The following SLAIN1 variants were observed in gnomAD, a reference collection of about 807,000 sequenced individuals.
SLAIN1 encodes SLAIN motif-containing protein 1.
Under a neutral mutation model 55.4 loss-of-function variants are expected in SLAIN1, and 17 were observed. The observed-to-expected ratio is 0.31, with a 90% CI of 0.21 to 0.46. SLAIN1 has a LOEUF of 0.46. Ranked by LOEUF, SLAIN1 falls within the 20% of genes least tolerant of loss-of-function variation. The pLI is 1.00. For missense variants in SLAIN1, 682 were observed against 785.1 expected, an observed-to-expected ratio of 0.87 and a Z score of 1.57; for synonymous variants, 348 against 337.4, an observed-to-expected ratio of 1.03 and a Z score of -0.35.
intron 2 of SLAIN1, among the ~76,000 whole-genome samples, chr13:77,739,426 G>A (rs906856288): frequency 1.3e-5 from 2 of 152,074 alleles, no homozygotes; most frequent in African/African-American, 4.8e-5. Context: ...TGAAATGACT[G>A]TAGTGAGAAG....
chr13:77,747,449 T>C (rs985121288), intron 4 of SLAIN1, among the ~76,000 whole-genome samples: 1 of 152,176 alleles, frequency 6.6e-6, no homozygotes, highest in Non-Finnish European at 1.5e-5. Flanking sequence ...TCTGCATTGT[T>C]GCTGGTGCCT....
chr13:77,698,387 C>G lies in SLAIN1; in HGVS notation c.474C>G (p.Gly158=). The G allele has an allele frequency of 7.0e-7, 1 of 1,419,242 alleles. No individual in the cohort carries two copies. Among genetic ancestry groups the G allele is most frequent in the Non-Finnish European group, 9.2e-7 (1 of 1,087,056 alleles). The allele number at this position is 1,419,242 out of a possible 1,614,324, so 87.9% of individuals were successfully genotyped here. A position where few individuals can be genotyped will look rare whatever the true frequency, so the allele number is the denominator to read the frequency against. ...VYFKPAAGFF[G]AGGGGPEPGG... ...TCAAGCCGGCAGCAGGCTTCTTCGG[C>G]GCGGGCGGTGGCGGGCCGGAGCCGG... The change falls in exon 1 of 7, where the codon GGC becomes GGG. Residue 158 remains glycine (G), a synonymous_variant. Coordinates refer to ENST00000418532, the MANE Select transcript of SLAIN1 (RefSeq NM_001242868.2). The surrounding 1 kb of genome is among the most constrained non-coding windows in gnomAD (Gnocchi z 4.1).
intron 1 of SLAIN1, among the ~76,000 whole-genome samples, chr13:77,713,971 A>G (rs1594257865): frequency 1.3e-5 from 2 of 151,508 alleles, no homozygotes; most frequent in African/African-American, 4.8e-5. Context: ...GAGTTGAACA[A>G]TGAGAACACA....
At chr13:77,736,076 A>G (rs1282252792) in intron 2 of SLAIN1, among the ~76,000 whole-genome samples, 1 of 152,066 alleles carries the variant, frequency 6.6e-6, no homozygotes, top group Non-Finnish European at 1.5e-5. Flanking sequence ...TTTCAATCTC[A>G]GCTCTTGTGT....
At chr13:77,712,403 A>G (rs1401721726) in intron 1 of SLAIN1, among the ~76,000 whole-genome samples, 1 of 152,210 alleles carries the variant, frequency 6.6e-6, no homozygotes, top group African/African-American at 2.4e-5. Context: ...GCAAAAAATC[A>G]CAAGTATTTC....
At chr13:77,714,021 G>A (rs779259490) in intron 1 of SLAIN1, among the ~76,000 whole-genome samples, 3 of 151,812 alleles carry the variant, frequency 2.0e-5, no homozygotes, top group South Asian at 2.1e-4. Flanking sequence ...AGGGCCTGTC[G>A]AGGGGTGGGG....
At chr13:77,741,287 A>G (rs780955762) in intron 2 of SLAIN1, 10 of 987,296 alleles carry the variant, frequency 1.0e-5, no homozygotes, top group Non-Finnish European at 9.6e-6. Flanking sequence ...AATAATAGAG[A>G]TTGAACATGT....
chr13:77,742,434 A>G (rs1873511630), intron 2 of SLAIN1, among the ~76,000 whole-genome samples: 1 of 151,994 alleles, frequency 6.6e-6, no homozygotes, highest in South Asian at 2.1e-4. Context: ...TACTCTGTAC[A>G]CTGTTTTTCC....
rs2154409049 is a variant in SLAIN1, at chr13:77,698,456, G to A, written c.543G>A (p.Ser181=). ...CAGGGGCAGCTGCAGCGCCGCCCTCGCCGCCCCCCACGCTGCTGGACGAGG... is the reference window on the plus strand; with the variant it reads ...CAGGGGCAGCTGCAGCGCCGCCCTCACCGCCCCCCACGCTGCTGGACGAGG... ...TPPGAAAAPP[S]PPPTLLDEVE... Residue 181 remains serine (S), a synonymous_variant, in exon 1 of 7, where the codon TCG becomes TCA. Transcript: ENST00000418532. This position sits in a 1 kb window ranked among gnomAD's most constrained non-coding sequence, Gnocchi z 4.1. 1.4e-6 allele frequency: 2 copies of A among 1,440,630 alleles called. No homozygotes were observed. Among genetic ancestry groups the A allele is most frequent in the Admixed American group, 2.6e-5 (1 of 38,070 alleles). 89.2% of individuals were successfully genotyped at this position (1,440,630 alleles called of 1,614,324 possible). A position where few individuals can be genotyped will look rare whatever the true frequency, so the allele number is the denominator to read the frequency against.
chr13:77,717,214 T>A (rs2091216486), intron 1 of SLAIN1, among the ~76,000 whole-genome samples: 3 of 152,202 alleles, frequency 2.0e-5, no homozygotes, highest in Admixed American at 1.3e-4. Flanking sequence ...ATGGTGAAGT[T>A]AGACTCAATT....
intron 1 of SLAIN1, among the ~76,000 whole-genome samples, chr13:77,716,711 T>C (rs1261096925): frequency 2.6e-5 from 4 of 152,182 alleles, no homozygotes; most frequent in African/African-American, 7.2e-5. Context: ...TTGACTTTCC[T>C]ACATCAATCT....
chr13:77,746,469 TTAGC>T (rs1315947387), intron 3 of SLAIN1, 41 bp from the exon 4 acceptor site: 1 of 1,478,670 alleles, frequency 6.8e-7, no homozygotes, highest in Non-Finnish European at 9.1e-7. Context: ...TAACTAAATG[TTAGC>T]TAGATCAAAA....
chr13:77,748,230 C>G (rs901456445), intron 4 of SLAIN1, among the ~76,000 whole-genome samples: 4 of 151,792 alleles, frequency 2.6e-5, no homozygotes, highest in African/African-American at 9.7e-5. Context: ...TTTGTAATTT[C>G]TCTTACTACC....
At chr13:77,729,551 C>T (rs1227348152) in intron 2 of SLAIN1, among the ~76,000 whole-genome samples, 1 of 151,130 alleles carries the variant, frequency 6.6e-6, no homozygotes, top group Non-Finnish European at 1.5e-5. Context: ...GGGACCTCTA[C>T]AGAATAGTCA....
intron 1 of SLAIN1, among the ~76,000 whole-genome samples, chr13:77,719,295 AAC>A (rs1231942782): frequency 1.3e-5 from 2 of 151,916 alleles, no homozygotes; most frequent in South Asian, 4.1e-4. Context: ...CTGATGCTGA[AAC>A]ACACAGTTAG....
At chr13:77,742,919 CTTTT>C (rs372604248) in intron 2 of SLAIN1, 26 of 570,866 alleles carry the variant, frequency 4.6e-5, no homozygotes, top group Non-Finnish European at 5.0e-5. Flanking sequence ...GTTGCTTTGT[CTTTT>C]TTTTTTTTTT....
intron 2 of SLAIN1, 70 bp downstream of exon 2, chr13:77,719,741 T>G: frequency 6.5e-7 from 1 of 1,544,070 alleles, no homozygotes. Context: ...GTTGCTGGTT[T>G]TGGAATAAAC....
At chr13:77,727,920 G>A (rs2091323175) in intron 2 of SLAIN1, among the ~76,000 whole-genome samples, 1 of 152,070 alleles carries the variant, frequency 6.6e-6, no homozygotes, top group African/African-American at 2.4e-5. Flanking sequence ...TAAAATACAG[G>A]GAATCCTCTT....
At chr13:77,743,069 A>G in intron 2 of SLAIN1, 1 of 1,302,128 alleles carries the variant, frequency 7.7e-7, no homozygotes, top group African/African-American at 1.5e-5. Flanking sequence ...TTTTCCTTAT[A>G]GTCCTGTTGC....
Sources: allele counts gnomAD v4.1 joint callset (sites outside exome capture counted in the v4.1 genomes callset), GRCh38; gene constraint gnomAD v4.1.1; non-coding constraint Gnocchi (gnomAD v3.1); transcripts MANE v1.5; gene names NCBI Gene and HGNC (gene_info 2026-07-23, HGNC 2026-07-21).